Variants in FRMPD4 observed in about 807,000 individuals in gnomAD.
FRMPD4 encodes FERM and PDZ domain containing 4, also known as FERM and PDZ domain-containing protein 4.
A neutral mutation model predicts 94.1 loss-of-function variants in FRMPD4; 22 were observed. That is an observed-to-expected ratio of 0.23 (90% CI 0.17 to 0.33). The LOEUF (loss-of-function observed/expected upper bound fraction) is 0.33. Ranked by LOEUF, FRMPD4 falls within the 10% of genes least tolerant of loss-of-function variation. The probability of loss-of-function intolerance (pLI) is 1.00; values close to 1 mark genes in which losing one functional copy is unlikely to be tolerated. For missense variants in FRMPD4, 1,111 were observed against 1,339.9 expected (o/e 0.83, Z 2.67); for synonymous variants, 631 against 548.6 (o/e 1.15, Z -2.10).
At chrX:11,956,462 C>T (rs1326701722) in intron 3 of FRMPD4, among the ~76,000 whole-genome samples, 3 of 112,019 alleles carry the variant, frequency 2.7e-5, no homozygotes, top group African/African-American at 9.7e-5. Flanking sequence ...ACCTAGAAGA[C>T]ATTGAATGTA....
chrX:12,578,696 A>C (rs769129834), intron 2 of FRMPD4, among the ~76,000 whole-genome samples: 4 of 112,058 alleles, frequency 3.6e-5, no homozygotes, highest in Non-Finnish European at 5.6e-5. Flanking sequence ...TTAATATCGC[A>C]AATATGCTGC....
chrX:12,112,130 C>T (rs11184488), intron 3 of FRMPD4, among the ~76,000 whole-genome samples: 3,395 of 111,737 alleles, frequency 0.03, 60 homozygotes, highest in African/African-American at 0.059. Context: ...ATGTTTATTG[C>T]GGCACTATTC....
At chrX:12,078,243 C>A (rs1417599924) in intron 3 of FRMPD4, among the ~76,000 whole-genome samples, 1 of 112,305 alleles carries the variant, frequency 8.9e-6, no homozygotes, top group Non-Finnish European at 1.9e-5. Flanking sequence ...TGAAGGCCAG[C>A]AGGATAATTT....
intron 1 of FRMPD4, among the ~76,000 whole-genome samples, chrX:12,415,674 G>A (rs1291450249): frequency 9.0e-6 from 1 of 111,657 alleles, no homozygotes; most frequent in Admixed American, 9.5e-5. Flanking sequence ...ATTATTTCCT[G>A]TGTTGTGTTT....
intron 14 of FRMPD4, among the ~76,000 whole-genome samples, chrX:12,711,743 C>T (rs1363105519): frequency 6.3e-5 from 7 of 110,508 alleles, no homozygotes; most frequent in African/African-American, 2.3e-4. Flanking sequence ...TTCTCTTTTT[C>T]TCTCCCTTCC....
chrX:12,234,895 T>C (rs2057054541), intron 1 of FRMPD4, among the ~76,000 whole-genome samples: 1 of 111,819 alleles, frequency 8.9e-6, no homozygotes, highest in Non-Finnish European at 1.9e-5. Flanking sequence ...TTAAAACTTT[T>C]GGGGATTCAT....
At chrX:12,007,282 C>T (rs759730957) in intron 3 of FRMPD4, among the ~76,000 whole-genome samples, 1 of 111,929 alleles carries the variant, frequency 8.9e-6, no homozygotes, top group Non-Finnish European at 1.9e-5. Flanking sequence ...GGAATTGGAT[C>T]GTTTTTAGCT....
chrX:12,664,554 G>A (rs1012537805), intron 4 of FRMPD4, among the ~76,000 whole-genome samples: 5 of 111,768 alleles, frequency 4.5e-5, no homozygotes, highest in Admixed American at 9.5e-5. Context: ...GGATGAAGCC[G>A]ACTTGATCAT....
chrX:12,242,319 A>G (rs1360684242), intron 1 of FRMPD4, among the ~76,000 whole-genome samples: 1 of 111,087 alleles, frequency 9.0e-6, no homozygotes, highest in Non-Finnish European at 1.9e-5. Flanking sequence ...TCTCATTCAC[A>G]GCATCCTTTC....
At position 12,354,912 on chromosome X, in the gene FRMPD4, G is replaced by T. The variant is rs187138312; in HGVS notation, c.42-143768G>T. ...ATTAAAATGTAGCGCAATTAAAGAC[G>T]TTTGGGGAGAATATTAGCAAATCTC... On this transcript the variant is annotated intron_variant, in intron 1 of 16. Coordinates refer to ENST00000675598, the MANE Select transcript of FRMPD4 (RefSeq NM_001368397.1). Among the ~76,000 whole-genome samples, 15 of 112,218 alleles carry T rather than the reference G, an allele frequency of 1.3e-4. No homozygotes were observed. The East Asian group carries it at 4.2e-3, about 31-fold the overall frequency.
intron 1 of FRMPD4, among the ~76,000 whole-genome samples, chrX:12,158,839 T>C (rs2055978202): frequency 8.9e-6 from 1 of 111,766 alleles, no homozygotes; most frequent in African/African-American, 3.3e-5. Flanking sequence ...TTCCTAGGAG[T>C]AGAATTGTTA....
chrX:12,513,060 A>G (rs749788722), intron 2 of FRMPD4, among the ~76,000 whole-genome samples: 1 of 111,997 alleles, frequency 8.9e-6, no homozygotes, highest in Admixed American at 9.5e-5. Context: ...CCACTTTTTA[A>G]TAGGGTTGTT....
intron 3 of FRMPD4, among the ~76,000 whole-genome samples, chrX:11,976,113 G>T (rs1202526148): frequency 1.8e-5 from 2 of 111,575 alleles, no homozygotes; most frequent in Non-Finnish European, 3.8e-5. Context: ...TGGTGCTCTT[G>T]AACACTCTGT....
chrX:12,683,533 C>T lies in FRMPD4; in HGVS notation c.519C>T (p.Ser173=), dbSNP rs139532886. The T allele has an allele frequency of 6.7e-6, 8 of 1,188,577 alleles. No individual in the cohort carries two copies. The highest frequency in any genetic ancestry group is 9.1e-6 in the Non-Finnish European group (8 of 876,415). ...ISAAKKARLK[S]NPVKVRFSEE... ...CTGCAAAAAAGGCAAGATTAAAGTC[C>T]AATCCTGTCAAAGTACGCTTCTCTG... The change falls in exon 6 of 17, where the codon TCC becomes TCT. Residue 173 remains serine (S), a synonymous_variant. Transcript: ENST00000675598.
chrX:12,053,108 C>T (rs1020663912), intron 3 of FRMPD4, among the ~76,000 whole-genome samples: 2 of 109,852 alleles, frequency 1.8e-5, no homozygotes, highest in Non-Finnish European at 3.8e-5. Context: ...GAGACTGAGG[C>T]GGGCTGATCA....
chrX:12,154,947 C>A (rs2055911508), intron 1 of FRMPD4, among the ~76,000 whole-genome samples: 1 of 112,310 alleles, frequency 8.9e-6, no homozygotes, highest in Non-Finnish European at 1.9e-5. Flanking sequence ...GCAGGGGTGG[C>A]CAGAGCACTG....
chrX:12,361,836 C>A (rs1447826147), intron 1 of FRMPD4, among the ~76,000 whole-genome samples: 1 of 111,518 alleles, frequency 9.0e-6, no homozygotes, highest in East Asian at 2.8e-4. Flanking sequence ...AAGCATCTTT[C>A]CTTGTCTCTA....
chrX:12,258,216 T>C (rs140844453), intron 1 of FRMPD4, among the ~76,000 whole-genome samples: 3,266 of 111,498 alleles, frequency 0.029, 136 homozygotes, highest in African/African-American at 0.1. Flanking sequence ...GCTCTTGTCT[T>C]GGAAATTTAA....
chrX:12,442,705 A>AT (rs918772383), intron 1 of FRMPD4, among the ~76,000 whole-genome samples: 1 of 111,917 alleles, frequency 8.9e-6, no homozygotes, highest in Admixed American at 9.5e-5. Context: ...GAGAGTTATT[A>AT]TATAACCTGG....
Sources: gnomAD v4.1 joint callset for allele counts (sites outside exome capture counted in the v4.1 genomes callset) on GRCh38, gnomAD v4.1.1 for gene constraint, MANE v1.5 for transcripts, NCBI Gene and HGNC (gene_info 2026-07-23, HGNC 2026-07-21) for gene names.